Variants in SRBD1 observed in about 807,000 individuals in gnomAD.
SRBD1 encodes S1 RNA binding domain 1.
SRBD1 carries 88 observed loss-of-function variants against 115.3 expected under a neutral mutation model. The ratio of observed to expected loss-of-function variants is 0.76; its 90% CI spans 0.64 to 0.91. The LOEUF (loss-of-function observed/expected upper bound fraction) is 0.91, where lower values mean the gene tolerates loss of function less well. SRBD1 is among the 40% of genes least tolerant of loss of function. The pLI, the probability that SRBD1 is intolerant of heterozygous loss-of-function variation, is 0.00. For missense variants in SRBD1, 1,385 were observed against 1,177.4 expected, an observed-to-expected ratio of 1.18 and a Z score of -2.58; for synonymous variants, 509 against 407.7, an observed-to-expected ratio of 1.25 and a Z score of -2.99.
chr2:45,486,963 TAC>T (rs1204117511), intron 15 of SRBD1, among the ~76,000 whole-genome samples: 1 of 151,440 alleles, frequency 6.6e-6, no homozygotes, highest in East Asian at 1.9e-4. Flanking sequence ...ACCAAAAGAG[TAC>T]ATGGTAAGGA....
chr2:45,410,316 A>T (rs1667561867), intron 19 of SRBD1, among the ~76,000 whole-genome samples: 1 of 152,214 alleles, frequency 6.6e-6, no homozygotes, highest in South Asian at 2.1e-4. Flanking sequence ...GTACGACCAG[A>T]GGAGTTCCAA....
chr2:45,604,546 T>C (rs1674205491), intron 2 of SRBD1, among the ~76,000 whole-genome samples: 1 of 152,174 alleles, frequency 6.6e-6, no homozygotes, highest in African/African-American at 2.4e-5. Flanking sequence ...CTCTGCCTCA[T>C]GTCTCTAGAC....
intron 14 of SRBD1, among the ~76,000 whole-genome samples, chr2:45,545,024 T>A (rs914097473): frequency 6.6e-6 from 1 of 151,962 alleles, no homozygotes; most frequent in African/African-American, 2.4e-5. Context: ...CTCATGCCTG[T>A]AATCGCAGCA....
chr2:45,593,420 GCGGTTTC>G (rs905886929), intron 4 of SRBD1, among the ~76,000 whole-genome samples: 2 of 152,142 alleles, frequency 1.3e-5, no homozygotes, highest in African/African-American at 2.4e-5. Flanking sequence ...ATTATGGGGG[GCGGTTTC>G]CCCTATGCTG....
intron 16 of SRBD1, among the ~76,000 whole-genome samples, chr2:45,466,113 G>A (rs1489714572): frequency 6.6e-6 from 1 of 152,158 alleles, no homozygotes; most frequent in African/African-American, 2.4e-5. Flanking sequence ...AACACAGTAA[G>A]CAAATAAATA....
At chr2:45,444,929 T>G (rs1401472613) in intron 16 of SRBD1, among the ~76,000 whole-genome samples, 3 of 152,196 alleles carry the variant, frequency 2.0e-5, no homozygotes, top group Non-Finnish European at 4.4e-5. Flanking sequence ...ATGCAAAATT[T>G]CTTGAAAACT....
At chr2:45,391,460 T>A (rs951539064) in intron 20 of SRBD1, among the ~76,000 whole-genome samples, 1 of 148,350 alleles carries the variant, frequency 6.7e-6, no homozygotes, top group African/African-American at 2.4e-5. Flanking sequence ...ACATAAAATA[T>A]CATCACGTGG....
intron 14 of SRBD1, among the ~76,000 whole-genome samples, chr2:45,490,015 G>C (rs1670245216): frequency 6.6e-6 from 1 of 152,076 alleles, no homozygotes; most frequent in Admixed American, 6.6e-5. Context: ...CAGAACTTGA[G>C]GACATACAGG....
intron 16 of SRBD1, among the ~76,000 whole-genome samples, chr2:45,427,112 T>G (rs149685550): frequency 6.6e-6 from 1 of 152,178 alleles, no homozygotes. Context: ...GAAAAAAGGT[T>G]AGAGGAATTG....
chr2:45,554,536 A>G (rs1262704860), intron 10 of SRBD1, among the ~76,000 whole-genome samples: 2 of 152,182 alleles, frequency 1.3e-5, no homozygotes, highest in Non-Finnish European at 2.9e-5. Flanking sequence ...CTCAGGCCAC[A>G]ATGCTCTACC....
intron 16 of SRBD1, among the ~76,000 whole-genome samples, chr2:45,448,564 T>C (rs1668898443): frequency 6.6e-6 from 1 of 152,138 alleles, no homozygotes; most frequent in African/African-American, 2.4e-5. Context: ...GAGAAAGATG[T>C]CAAGGCTTAG....
chr2:45,419,605 G>T (rs1406832274), intron 17 of SRBD1, among the ~76,000 whole-genome samples, 183 bp downstream of exon 17: 1 of 152,200 alleles, frequency 6.6e-6, no homozygotes, highest in East Asian at 1.9e-4. Context: ...ATGATAATGT[G>T]AATTGTTATA....
At chr2:45,441,270 T>C (rs1668661216) in intron 16 of SRBD1, among the ~76,000 whole-genome samples, 1 of 152,176 alleles carries the variant, frequency 6.6e-6, no homozygotes, top group Admixed American at 6.5e-5. Context: ...CTCCATGTGA[T>C]CTGCAATGAT....
At chr2:45,560,803 C>T (rs573931870) in intron 10 of SRBD1, among the ~76,000 whole-genome samples, 1 of 152,100 alleles carries the variant, frequency 6.6e-6, no homozygotes, top group African/African-American at 2.4e-5. Flanking sequence ...AGGAAATAAG[C>T]ATTCATAAAA....
intron 16 of SRBD1, among the ~76,000 whole-genome samples, chr2:45,453,627 T>A: frequency 6.6e-6 from 1 of 151,646 alleles, no homozygotes; most frequent in Non-Finnish European, 1.5e-5. Flanking sequence ...CAAAAAAAAA[T>A]AGCTTCTAAC....
chr2:45,574,490 T>A (rs1399794778), intron 8 of SRBD1, 137 bp downstream of exon 8: 1 of 704,492 alleles, frequency 1.4e-6, no homozygotes, highest in African/African-American at 1.8e-5. Context: ...GGCTCTGTTG[T>A]TTGAACAAAG....
Position 45,562,708 on chromosome 2 carries a change from C to A in SRBD1, c.1354G>T (p.Val452Phe). 2 of 1,612,776 alleles carry A rather than the reference C, an allele frequency of 1.2e-6. No homozygotes were observed. Among genetic ancestry groups the A allele is most frequent in the Non-Finnish European group, 1.7e-6 (2 of 1,179,688 alleles). Residue 452 changes from valine (V) to phenylalanine (F), a missense_variant, in exon 10 of 21, where the codon GTC becomes TTC. Physicochemically the swap from Val to Phe is conservative, Grantham distance 50 (BLOSUM62 -1). Transcript: ENST00000263736. The stretch of plus-strand genomic sequence containing the variant: ...TCCTTCACTCCATCAGAAATATTGA[C>A]CTTAACCGTCAGTACCTTCAAATTT... Reference protein sequence around the residue: ...GENLKVLTVKVNISDGVKDEF... With the variant: ...GENLKVLTVKFNISDGVKDEF...
intron 14 of SRBD1, among the ~76,000 whole-genome samples, chr2:45,492,731 G>A (rs986983722): frequency 1.3e-5 from 2 of 152,070 alleles, no homozygotes; most frequent in Admixed American, 6.5e-5. Flanking sequence ...AAGCCACTGC[G>A]CCCAGCCAAA....
intron 14 of SRBD1, among the ~76,000 whole-genome samples, chr2:45,506,553 C>G (rs1670804070): frequency 6.6e-6 from 1 of 152,138 alleles, no homozygotes; most frequent in Non-Finnish European, 1.5e-5. Context: ...TTGCCATACA[C>G]TTGTGCCTAT....
Sources: gnomAD v4.1 joint callset for allele counts (sites outside exome capture counted in the v4.1 genomes callset) on GRCh38, gnomAD v4.1.1 for gene constraint, MANE v1.5 for transcripts, NCBI Gene and HGNC (gene_info 2026-07-23, HGNC 2026-07-21) for gene names.